CDH13: variants seen among roughly 807,000 people sequenced by gnomAD.
The protein encoded by CDH13 is cadherin-13.
A neutral mutation model predicts 63.8 loss-of-function variants in CDH13; 24 were observed. The observed-to-expected ratio is 0.38, with a 90% CI of 0.27 to 0.53. The LOEUF (loss-of-function observed/expected upper bound fraction) is 0.53. Ranked by LOEUF, CDH13 falls within the 20% of genes least tolerant of loss-of-function variation. The pLI is 0.85. For synonymous variants in CDH13, 503 were observed against 355.3 expected, an observed-to-expected ratio of 1.42 and a Z score of -4.67; for missense variants, 1,049 against 903.1, an observed-to-expected ratio of 1.16 and a Z score of -2.07.
intron 6 of CDH13, among the ~76,000 whole-genome samples, chr16:83,389,130 C>G (rs369513429): frequency 6.6e-6 from 1 of 152,106 alleles, no homozygotes; most frequent in African/African-American, 2.4e-5. Flanking sequence ...AGTTCTCAAA[C>G]GGGTATGCAT....
At chr16:82,971,687 C>T (rs1178425698) in intron 2 of CDH13, among the ~76,000 whole-genome samples, 3 of 152,188 alleles carry the variant, frequency 2.0e-5, no homozygotes, top group Non-Finnish European at 4.4e-5. Context: ...CAAATGGTTT[C>T]TTTCTAGTCG....
At chr16:83,178,445 A>G (rs994900454) in intron 4 of CDH13, among the ~76,000 whole-genome samples, 1 of 152,216 alleles carries the variant, frequency 6.6e-6, no homozygotes, top group Non-Finnish European at 1.5e-5. Flanking sequence ...ATAATTTCTG[A>G]ACATGTGAAT....
chr16:83,742,898 A>C (rs1912199624), intron 10 of CDH13, among the ~76,000 whole-genome samples: 1 of 152,144 alleles, frequency 6.6e-6, no homozygotes, highest in African/African-American at 2.4e-5. Flanking sequence ...CTCCCATGGG[A>C]GGAGGCACCA....
intron 10 of CDH13, among the ~76,000 whole-genome samples, chr16:83,706,074 C>T (rs1598526432): frequency 1.3e-5 from 2 of 152,264 alleles, no homozygotes; most frequent in East Asian, 1.9e-4. Flanking sequence ...TATCTCTGTG[C>T]CTCAATGTCT....
chr16:82,892,740 T>C (rs564477270), intron 2 of CDH13, among the ~76,000 whole-genome samples: 1 of 152,346 alleles, frequency 6.6e-6, no homozygotes, highest in South Asian at 2.1e-4. Context: ...TTCTTCTTTT[T>C]TTTTCATGTA....
intron 1 of CDH13, among the ~76,000 whole-genome samples, chr16:82,803,143 T>C (rs1338128178): frequency 6.6e-6 from 1 of 152,202 alleles, no homozygotes; most frequent in African/African-American, 2.4e-5. Context: ...TGTTGGCCAG[T>C]TCTTCTCACT....
chr16:82,838,887 C>T (rs1458366899), intron 1 of CDH13, among the ~76,000 whole-genome samples: 6 of 152,136 alleles, frequency 3.9e-5, no homozygotes, highest in Non-Finnish European at 7.4e-5. Context: ...TTAGTGGGTT[C>T]AACCCACAAG....
intron 6 of CDH13, among the ~76,000 whole-genome samples, chr16:83,368,428 A>G (rs1487757758): frequency 2.0e-5 from 3 of 152,116 alleles, no homozygotes; most frequent in African/African-American, 4.8e-5. Flanking sequence ...CCCCTCTTCA[A>G]CTGTCTTTTA....
At chr16:82,933,749 C>G (rs1450358475) in intron 2 of CDH13, among the ~76,000 whole-genome samples, 1 of 152,176 alleles carries the variant, frequency 6.6e-6, no homozygotes, top group Non-Finnish European at 1.5e-5. Context: ...ATGGGAAAAA[C>G]TGGCCAAAAC....
intron 3 of CDH13, among the ~76,000 whole-genome samples, chr16:83,034,634 G>T (rs886413640): frequency 2.0e-5 from 3 of 152,190 alleles, no homozygotes; most frequent in South Asian, 2.1e-4. Flanking sequence ...CCATGGGCTT[G>T]AATGCATTTA....
intron 4 of CDH13, among the ~76,000 whole-genome samples, chr16:83,165,869 G>C (rs1016233096): frequency 5.9e-5 from 9 of 152,074 alleles, no homozygotes; most frequent in African/African-American, 1.7e-4. Context: ...ACAACTGAAA[G>C]GCTTCAGCAC....
At chr16:83,172,620 G>A (rs2037969688) in intron 4 of CDH13, among the ~76,000 whole-genome samples, 1 of 151,966 alleles carries the variant, frequency 6.6e-6, no homozygotes, top group African/African-American at 2.4e-5. Flanking sequence ...TAGGAGACAG[G>A]CTTGGAACAG....
At chr16:83,472,132 C>A (rs896152809) in intron 6 of CDH13, among the ~76,000 whole-genome samples, 2 of 152,164 alleles carry the variant, frequency 1.3e-5, no homozygotes, top group African/African-American at 4.8e-5. Context: ...CATGCACCAA[C>A]CCCATCAGGT....
At chr16:83,535,120 C>A (rs1042380955) in intron 7 of CDH13, among the ~76,000 whole-genome samples, 2 of 152,156 alleles carry the variant, frequency 1.3e-5, no homozygotes, top group Admixed American at 6.5e-5. Flanking sequence ...ACACTGTGGC[C>A]TGAAGGTTCA....
At position 82,918,503 on chromosome 16, in the gene CDH13, T is replaced by A. The variant is rs184915881; in HGVS notation, c.157+60030T>A. Among the ~76,000 whole-genome samples the A allele has an allele frequency of 3.2e-4, 47 of 145,706 alleles. 1 individual carries two copies. Among genetic ancestry groups the A allele is most frequent in the African/African-American group, 1.1e-3 (45 of 39,668 alleles). On this transcript the variant is annotated intron_variant, in intron 2 of 13. Coordinates refer to ENST00000567109, the MANE Select transcript of CDH13 (RefSeq NM_001257.5). ...TCTGGGTCAAAAGGTATGTACACTTTCACTTTTTTTTTTTTTTTTTTTTGA... is the reference window on the plus strand; with the variant it reads ...TCTGGGTCAAAAGGTATGTACACTTACACTTTTTTTTTTTTTTTTTTTTGA...
chr16:83,494,916 A>G (rs1201503918), intron 7 of CDH13, among the ~76,000 whole-genome samples: 1 of 152,220 alleles, frequency 6.6e-6, no homozygotes, highest in Non-Finnish European at 1.5e-5. Context: ...ATATGGCACT[A>G]TGATGTCACA....
chr16:82,663,897 C>G (rs1912276390), intron 1 of CDH13, among the ~76,000 whole-genome samples: 1 of 152,210 alleles, frequency 6.6e-6, no homozygotes, highest in Non-Finnish European at 1.5e-5. Flanking sequence ...AGAAAGTCTT[C>G]TCTACCCTCC....
At chr16:83,487,568 C>T (rs771809809) in intron 7 of CDH13, among the ~76,000 whole-genome samples, 1 of 152,268 alleles carries the variant, frequency 6.6e-6, no homozygotes, top group Middle Eastern at 3.4e-3. Flanking sequence ...AAGTAGAAGA[C>T]CCTCGCGGAC....
At chr16:83,378,337 C>A (rs533863726) in intron 6 of CDH13, among the ~76,000 whole-genome samples, 2 of 152,184 alleles carry the variant, frequency 1.3e-5, no homozygotes, top group African/African-American at 4.8e-5. Flanking sequence ...ATGTGGCCTC[C>A]TGTTCAGCGG....
Sources: gnomAD v4.1 joint callset for allele counts (sites outside exome capture counted in the v4.1 genomes callset) on GRCh38, gnomAD v4.1.1 for gene constraint, MANE v1.5 for transcripts, NCBI Gene and HGNC (gene_info 2026-07-23, HGNC 2026-07-21) for gene names.